RFX3: variants seen among roughly 807,000 people sequenced by gnomAD.
RFX3 encodes the protein regulatory factor X3, also known as transcription factor RFX3.
In RFX3, 14 loss-of-function variants were observed where a neutral mutation model predicts 98.6. That is an observed-to-expected ratio of 0.14 (90% CI 0.09 to 0.22). The LOEUF (loss-of-function observed/expected upper bound fraction) is 0.22, where lower values mean the gene tolerates loss of function less well. Among genes scored for constraint, RFX3 ranks in the 10% least tolerant of loss-of-function variants. The probability of loss-of-function intolerance (pLI) is 1.00; values close to 1 mark genes in which losing one functional copy is unlikely to be tolerated. For synonymous variants in RFX3, 383 were observed against 328.4 expected, an observed-to-expected ratio of 1.17 and a Z score of -1.80; for missense variants, 639 against 926.9, an observed-to-expected ratio of 0.69 and a Z score of 4.03.
chr9:3,224,222 C>G lies in RFX3; in HGVS notation c.*820G>C, dbSNP rs1252117492. On this transcript the variant is annotated 3_prime_UTR_variant, in exon 17 of 17. Transcript: ENST00000617270. ...CTGCTTCAGTATCTAACTATAACAG[C>G]CCCCACTTAACAGCAGAATGCATCT... The G allele has an allele frequency of 6.6e-6, 1 of 151,746 alleles. No individual in the cohort carries two copies. Among genetic ancestry groups the G allele is most frequent in the East Asian group, 1.9e-4 (1 of 5,190 alleles). 9.4% of individuals were successfully genotyped at this position (151,746 alleles called of 1,614,324 possible). A position where few individuals can be genotyped will look rare whatever the true frequency, so the allele number is the denominator to read the frequency against.
chr9:3,417,096 A>G (rs1177244521), intron 1 of RFX3, among the ~76,000 whole-genome samples: 1 of 151,982 alleles, frequency 6.6e-6, no homozygotes, highest in African/African-American at 2.4e-5. Flanking sequence ...ATTACCAGGA[A>G]TAAGAGGAGT....
intron 1 of RFX3, among the ~76,000 whole-genome samples, chr9:3,438,287 A>G (rs1845327860): frequency 6.6e-6 from 1 of 152,254 alleles, no homozygotes; most frequent in East Asian, 1.9e-4. Context: ...AATGACCTGT[A>G]CAAATCCTCA....
At chr9:3,232,061 AGC>A (rs376160575) in intron 15 of RFX3, among the ~76,000 whole-genome samples, 94,831 of 151,530 alleles carry the variant, frequency 0.63, 29,918 homozygotes, top group East Asian at 0.82. Flanking sequence ...CAAGCAAGCA[AGC>A]AAGCAAGCAA....
chr9:3,398,419 T>C (rs1236872963), intron 1 of RFX3, among the ~76,000 whole-genome samples: 1 of 152,158 alleles, frequency 6.6e-6, no homozygotes, highest in African/African-American at 2.4e-5. Context: ...ATTTGTGCTA[T>C]AGCAGAGGAA....
At chr9:3,501,769 C>T (rs1052193518) in intron 1 of RFX3, among the ~76,000 whole-genome samples, 1 of 151,594 alleles carries the variant, frequency 6.6e-6, no homozygotes, top group Non-Finnish European at 1.5e-5. Flanking sequence ...GTTAGCCAGG[C>T]TGGTCTCGAA....
intron 1 of RFX3, among the ~76,000 whole-genome samples, chr9:3,410,025 A>C (rs1385750118): frequency 6.6e-6 from 1 of 152,214 alleles, no homozygotes; most frequent in Non-Finnish European, 1.5e-5. Context: ...TGCTTACTAC[A>C]CAAGGAAAGA....
intron 1 of RFX3, chr9:3,469,051 C>T: frequency 2.8e-6 from 1 of 357,302 alleles, no homozygotes; most frequent in Non-Finnish European, 5.7e-6. Context: ...AAAGCATCTC[C>T]AGATAAATTC....
At chr9:3,298,310 T>C (rs947409252) in intron 5 of RFX3, among the ~76,000 whole-genome samples, 1 of 151,962 alleles carries the variant, frequency 6.6e-6, no homozygotes, top group African/African-American at 2.4e-5. Flanking sequence ...TCAGATGGTA[T>C]ACCAGAAGAA....
intron 1 of RFX3, among the ~76,000 whole-genome samples, chr9:3,403,756 G>A (rs545291749): frequency 1.4e-3 from 213 of 152,196 alleles, no homozygotes; most frequent in South Asian, 2.5e-3. Flanking sequence ...AGGAGCAAAG[G>A]GAGGCAAAGA....
intron 4 of RFX3, among the ~76,000 whole-genome samples, chr9:3,309,066 A>G (rs1459599896): frequency 6.6e-6 from 1 of 152,136 alleles, no homozygotes; most frequent in Admixed American, 6.6e-5. Flanking sequence ...CATACAAACA[A>G]TCACCTGGCC....
chr9:3,435,515 C>T (rs868013084), intron 1 of RFX3, among the ~76,000 whole-genome samples: 24 of 151,892 alleles, frequency 1.6e-4, no homozygotes, highest in African/African-American at 5.8e-4. Flanking sequence ...CTATTATAAC[C>T]TTAGGGGACC....
chr9:3,232,066 G>GCAAGCAAA (rs1818544426), intron 15 of RFX3, among the ~76,000 whole-genome samples: 1 of 21,530 alleles, frequency 4.6e-5, no homozygotes, highest in South Asian at 1.2e-3. Flanking sequence ...AAGCAAGCAA[G>GCAAGCAAA]CAAGCAAACA....
chr9:3,443,823 C>T (rs566816632), intron 1 of RFX3, among the ~76,000 whole-genome samples: 5 of 152,264 alleles, frequency 3.3e-5, no homozygotes, highest in South Asian at 2.1e-4. Flanking sequence ...CTCCCACCAA[C>T]GATGTAAAAG....
intron 1 of RFX3, among the ~76,000 whole-genome samples, chr9:3,432,273 C>T (rs1197198419): frequency 1.3e-5 from 2 of 152,122 alleles, no homozygotes; most frequent in South Asian, 4.1e-4. Flanking sequence ...AACTGATCTA[C>T]TTGCCCCCAA....
chr9:3,281,773 A>G (rs951202413), intron 7 of RFX3, among the ~76,000 whole-genome samples: 29 of 151,828 alleles, frequency 1.9e-4, no homozygotes, highest in African/African-American at 6.5e-4. Context: ...CACAGCTGCT[A>G]TTTAGGACTT....
At position 3,257,142 on chromosome 9, in the gene RFX3, C is replaced by G; in HGVS notation, c.1663G>C (p.Asp555His). 1 of 1,613,998 alleles carries G rather than the reference C, an allele frequency of 6.2e-7. No individual in the cohort carries two copies. Among genetic ancestry groups the G allele is most frequent in the Non-Finnish European group, 8.5e-7 (1 of 1,179,980 alleles). Residue 555 changes from aspartate to histidine, a missense_variant, in exon 14 of 17, where the codon GAC becomes CAC. Physicochemically the swap from Asp to His is moderately conservative, Grantham distance 81. This residue lies in a region of RFX3 where 138 missense variants were observed against 308.9 expected (regional missense o/e 0.45). Coordinates refer to ENST00000617270, the MANE Select transcript of RFX3 (RefSeq NM_001282116.2). The stretch of plus-strand genomic sequence containing the variant: ...TGCTGCTGAAGAGTCATCTTGAAGT[C>G]TGTTTCTAGTCTCTGAACCATGTTG... ...DDNMVQRLET[D>H]FKMTLQQQST...
intron 1 of RFX3, among the ~76,000 whole-genome samples, chr9:3,446,018 A>T (rs1355916831): frequency 6.6e-6 from 1 of 152,060 alleles, no homozygotes; most frequent in South Asian, 2.1e-4. Flanking sequence ...ATTTATTTGT[A>T]GGTTTGTTTC....
In RFX3 at chr9:3,225,234, G is replaced by C. The variant is rs370742533; in HGVS notation, c.2058C>G (p.Asp686Glu). The C allele has an allele frequency of 2.3e-5, 37 of 1,613,718 alleles. No individual in the cohort carries two copies. The highest frequency in any genetic ancestry group is 2.6e-5 in the Non-Finnish European group (31 of 1,179,902). ...VESEMDEELD[D>E]SSEPQAKREK... ...CTCTTTTGGCTTGAGGCTCTGAAGA[G>C]TCATCCAGTTCTTCATCCATTTCAC... Residue 686 changes from aspartate (D) to glutamate (E), a missense_variant, in exon 17 of 17, where the codon GAC becomes GAG. This residue lies in a region of RFX3 where 129 missense variants were observed against 124.6 expected (regional missense o/e 1.04). Transcript: ENST00000617270.
intron 2 of RFX3, among the ~76,000 whole-genome samples, chr9:3,348,083 C>G (rs1834650746): frequency 6.6e-6 from 1 of 152,152 alleles, no homozygotes; most frequent in Non-Finnish European, 1.5e-5. Context: ...TATTTTCTTT[C>G]TCTTTGAATC....
Sources: allele counts gnomAD v4.1 joint callset (sites outside exome capture counted in the v4.1 genomes callset), GRCh38; gene constraint gnomAD v4.1.1; regional missense constraint gnomAD v4.1.1; transcripts MANE v1.5; gene names NCBI Gene and HGNC (gene_info 2026-07-23, HGNC 2026-07-21).